AS3MT: variants seen among roughly 807,000 people sequenced by gnomAD.
AS3MT encodes the protein S-adenosyl-L-methionine:arsenic(III) methyltransferase.
AS3MT carries 47 observed loss-of-function variants against 45.3 expected under a neutral mutation model. That is an observed-to-expected ratio of 1.04 (90% confidence interval 0.82 to 1.32). The LOEUF is 1.32. Among genes scored for constraint, AS3MT ranks in the 40% most tolerant of loss-of-function variants. The pLI is 0.00. For missense variants in AS3MT, 396 were observed against 451.1 expected (o/e 0.88, Z 1.11); for synonymous variants, 141 against 152.8 (o/e 0.92, Z 0.57).
At chr10:102,880,365 C>T (rs1334180576) in intron 9 of AS3MT, among the ~76,000 whole-genome samples, 3 of 152,190 alleles carry the variant, frequency 2.0e-5, no homozygotes, top group South Asian at 4.1e-4. Context: ...TACAGAAATA[C>T]ATTTTAACTG....
chr10:102,898,205 T>C (rs1432342117), intron 10 of AS3MT, among the ~76,000 whole-genome samples: 1 of 152,086 alleles, frequency 6.6e-6, no homozygotes, highest in African/African-American at 2.4e-5. Flanking sequence ...TTGCATATAC[T>C]TAACATCTTG....
intron 7 of AS3MT, 34 bp downstream of exon 7, chr10:102,877,069 G>C: frequency 6.3e-7 from 1 of 1,584,886 alleles, no homozygotes; most frequent in Non-Finnish European, 8.7e-7. Flanking sequence ...TATTAAGGCA[G>C]ATGGTTGTAC....
chr10:102,888,561 A>G (rs909861331), intron 9 of AS3MT, among the ~76,000 whole-genome samples: 4 of 151,612 alleles, frequency 2.6e-5, no homozygotes, highest in Admixed American at 6.6e-5. Context: ...AGCTGGGATT[A>G]CAGGCATGCA....
intron 8 of AS3MT, 121 bp from the exon 9 acceptor site, chr10:102,878,728 A>T: frequency 7.2e-7 from 1 of 1,381,580 alleles, no homozygotes; most frequent in South Asian, 1.4e-5. Flanking sequence ...GTGCTCAGAA[A>T]GATAACTGAT....
chr10:102,890,132 C>G (rs1445035300), intron 9 of AS3MT, among the ~76,000 whole-genome samples: 2 of 151,872 alleles, frequency 1.3e-5, no homozygotes, highest in Admixed American at 6.6e-5. Context: ...TCCCAAGTAG[C>G]TGGGACAACA....
intron 10 of AS3MT, among the ~76,000 whole-genome samples, chr10:102,891,330 G>T (rs1368692379): frequency 6.6e-6 from 1 of 152,174 alleles, no homozygotes; most frequent in Non-Finnish European, 1.5e-5. Flanking sequence ...CCCTGCTCAC[G>T]CCTGACTAGC....
At chr10:102,890,740 T>C in intron 10 of AS3MT, 62 bp downstream of exon 10, 1 of 1,513,100 alleles carries the variant, frequency 6.6e-7, no homozygotes, top group South Asian at 1.2e-5. Context: ...AGATGGAGTC[T>C]CTCTCTGTCA....
At chr10:102,889,800 C>T (rs1564794916) in intron 9 of AS3MT, among the ~76,000 whole-genome samples, 3 of 151,800 alleles carry the variant, frequency 2.0e-5, no homozygotes, top group African/African-American at 7.3e-5. Context: ...CTCAGCCTCC[C>T]GAGTAGCTGG....
chr10:102,877,981 G>A (rs535531140), intron 7 of AS3MT, among the ~76,000 whole-genome samples: 1 of 152,082 alleles, frequency 6.6e-6, no homozygotes, highest in South Asian at 2.1e-4. Flanking sequence ...TCCAACACCT[G>A]ACCTCATGAT....
At position 102,894,498 on chromosome 10, in the gene AS3MT, C is replaced by T. The variant is rs115048163; in HGVS notation, c.1020+3820C>T. 4.1e-3 allele frequency among the ~76,000 whole-genome samples: 625 copies of T among 152,118 alleles called. 19 individuals carry two copies. The East Asian group carries it at 0.071, about 17-fold the overall frequency. On this transcript the variant is annotated intron_variant, in intron 10 of 10. Transcript: ENST00000369880. Reference sequence around the variant, plus strand: ...CCTCAACCATCTGAACGGACCCCTCCTGTCGGGCAAAGGCATTGCAAAGTT... The same window carrying T: ...CCTCAACCATCTGAACGGACCCCTCTTGTCGGGCAAAGGCATTGCAAAGTT...
chr10:102,889,974 A>T (rs2134127115), intron 9 of AS3MT, among the ~76,000 whole-genome samples: 1 of 145,940 alleles, frequency 6.9e-6, no homozygotes, highest in Middle Eastern at 4.1e-3. Flanking sequence ...CACCGTACAC[A>T]GCCAGTTTCA....
chr10:102,873,022 G>T (rs966235248), intron 4 of AS3MT, 75 bp from the exon 5 acceptor site: 74 of 1,258,806 alleles, frequency 5.9e-5, no homozygotes, highest in Non-Finnish European at 8.1e-5. Flanking sequence ...TATTCTGTTA[G>T]TGATAGGAAA....
intron 9 of AS3MT, among the ~76,000 whole-genome samples, chr10:102,886,630 C>T (rs1844962766): frequency 1.3e-5 from 2 of 151,024 alleles, no homozygotes; most frequent in African/African-American, 2.5e-5. Context: ...TCTTTCCTTT[C>T]TTCTTCTTTC....
chr10:102,879,063 A>G (rs971783482), intron 9 of AS3MT, 72 bp downstream of exon 9: 1 of 1,481,136 alleles, frequency 6.8e-7, no homozygotes, highest in African/African-American at 1.4e-5. Context: ...TCTTTTCTTG[A>G]CTTTGCATTG....
At position 102,889,314 on chromosome 10, in the gene AS3MT, A is replaced by G. The variant is rs186618214; in HGVS notation, c.886-1230A>G. Among the ~76,000 whole-genome samples the G allele has an allele frequency of 4.5e-3, 685 of 152,134 alleles. 4 individuals carry two copies. Among genetic ancestry groups the G allele is most frequent in the Middle Eastern group, 0.017 (5 of 294 alleles). ...GAGTTCCACTTTTTTTAGCTTCCAC[A>G]TATCAGTGAGAACATATGATATTTG... is the stretch of plus-strand genomic sequence containing the variant. On this transcript the variant is annotated intron_variant, in intron 9 of 10. Transcript: ENST00000369880.
chr10:102,899,022 T>C (rs923874145), intron 10 of AS3MT, among the ~76,000 whole-genome samples: 2 of 152,204 alleles, frequency 1.3e-5, no homozygotes, highest in Non-Finnish European at 2.9e-5. Context: ...CTTGAGATCT[T>C]TTTGAACTAG....
rs774957352 is a variant in AS3MT at position 102,869,831 on chromosome 10, C to A, written c.28C>A (p.Gln10Lys). 6.2e-7 allele frequency: 1 copy of A among 1,614,072 alleles called. No homozygotes were observed. The highest frequency in any genetic ancestry group is 8.5e-7 in the Non-Finnish European group (1 of 1,180,046). The change falls in exon 2 of 11, where the codon CAG (glutamine) becomes AAG (lysine). Residue 10 changes from glutamine (Q) to lysine (K), a missense_variant. Coordinates refer to ENST00000369880, the MANE Select transcript of AS3MT (RefSeq NM_020682.4). The part of the protein sequence containing the change: MAALRDAEI[Q>K]KDVQTYYGQV... ...GGCTGCACTTCGTGACGCTGAGATA[C>A]AGAAGGACGTGCAGGTGAGAGCTGT... is the stretch of plus-strand genomic sequence containing the variant.
rs1228163498 is a variant in AS3MT at position 102,883,960 on chromosome 10, TTTC to T, written c.885+4972_885+4974del. Among the ~76,000 whole-genome samples, 5 of 150,268 alleles carry T rather than the reference TTTC, an allele frequency of 3.3e-5. No homozygotes were observed. The East Asian group carries it at 9.9e-4, about 30-fold the overall frequency. ...CTCTTTTAGCAATTTTCTTTTTTCT[TTTC>T]TTTTCTTTCTTTATTTCTTTTTTTT... On this transcript the variant is annotated intron_variant, in intron 9 of 10. Transcript: ENST00000369880.
intron 9 of AS3MT, among the ~76,000 whole-genome samples, chr10:102,883,141 C>G (rs1307238283): frequency 6.8e-6 from 1 of 147,440 alleles, no homozygotes; most frequent in Non-Finnish European, 1.5e-5. Flanking sequence ...TGCTCTGTTG[C>G]CCAGGCTAGA....
Sources: allele counts gnomAD v4.1 joint callset (sites outside exome capture counted in the v4.1 genomes callset), GRCh38; gene constraint gnomAD v4.1.1; transcripts MANE v1.5; gene names NCBI Gene and HGNC (gene_info 2026-07-23, HGNC 2026-07-21).